HORMAD2: variants seen among roughly 807,000 people sequenced by gnomAD.
The protein encoded by HORMAD2 is HORMA domain containing 2.
Under a neutral mutation model 38.8 loss-of-function variants are expected in HORMAD2, and 45 were observed. The observed-to-expected ratio is 1.16, with a 90% CI of 0.91 to 1.49. HORMAD2 has a LOEUF of 1.49. Ranked by LOEUF, HORMAD2 falls within the 40% of genes most tolerant of loss-of-function variation. HORMAD2 has a pLI of 0.00. For missense variants in HORMAD2, 338 were observed against 367.0 expected, an observed-to-expected ratio of 0.92 and a Z score of 0.65; for synonymous variants, 126 against 122.8, an observed-to-expected ratio of 1.03 and a Z score of -0.17.
intron 10 of HORMAD2, among the ~76,000 whole-genome samples, chr22:30,148,501 A>C (rs1009604238): frequency 3.9e-5 from 6 of 152,184 alleles, no homozygotes; most frequent in African/African-American, 4.8e-5. Flanking sequence ...GAAAACATCC[A>C]AAAATAGGTG....
intron 10 of HORMAD2, among the ~76,000 whole-genome samples, chr22:30,164,584 A>G (rs1436253173): frequency 6.6e-6 from 1 of 152,150 alleles, no homozygotes; most frequent in East Asian, 1.9e-4. Context: ...CTTATTGGCT[A>G]ATTGCATATC....
chr22:30,175,142 A>C (rs1014266117), intron 10 of HORMAD2, among the ~76,000 whole-genome samples: 1 of 148,422 alleles, frequency 6.7e-6, no homozygotes, highest in African/African-American at 2.5e-5. Flanking sequence ...TGCCTCTCCT[A>C]CGAAGGACAA....
At chr22:30,165,746 T>A (rs1171006245) in intron 10 of HORMAD2, among the ~76,000 whole-genome samples, 1 of 152,118 alleles carries the variant, frequency 6.6e-6, no homozygotes, top group African/African-American at 2.4e-5. Context: ...ACCTGAATAG[T>A]CTGCCAATTC....
At chr22:30,112,281 T>C (rs973895173) in intron 6 of HORMAD2, among the ~76,000 whole-genome samples, 1 of 152,146 alleles carries the variant, frequency 6.6e-6, no homozygotes, top group Non-Finnish European at 1.5e-5. Flanking sequence ...ATGGTAATTA[T>C]GAATCCTTCA....
At chr22:30,163,012 A>T (rs748443802) in intron 10 of HORMAD2, among the ~76,000 whole-genome samples, 1 of 152,080 alleles carries the variant, frequency 6.6e-6, no homozygotes, top group Non-Finnish European at 1.5e-5. Flanking sequence ...ATTTGTGGAC[A>T]TCTTAAAATC....
At chr22:30,126,126 G>A (rs529938760) in intron 10 of HORMAD2, among the ~76,000 whole-genome samples, 1 of 152,006 alleles carries the variant, frequency 6.6e-6, no homozygotes, top group South Asian at 2.1e-4. Flanking sequence ...GCATAGATTA[G>A]TTTCTCCTCT....
At chr22:30,097,335 T>C (rs1302535386) in intron 2 of HORMAD2, among the ~76,000 whole-genome samples, 1 of 152,214 alleles carries the variant, frequency 6.6e-6, no homozygotes, top group African/African-American at 2.4e-5. Context: ...TATCAGTCGC[T>C]CTCTTATCAC....
rs1334193788 is a variant in HORMAD2 at position 30,176,733 on chromosome 22, C to G, written c.*566C>G. The G allele has an allele frequency of 6.5e-6, 1 of 152,888 alleles. No homozygotes were observed. The highest frequency in any genetic ancestry group is 2.4e-5 in the African/African-American group (1 of 41,450). 9.5% of individuals were successfully genotyped at this position (152,888 alleles called of 1,614,324 possible). A position where few individuals can be genotyped will look rare whatever the true frequency, so the allele number is the denominator to read the frequency against. The stretch of plus-strand genomic sequence containing the variant: ...CTCAACTCTGGCCCCAGGCCCTGTT[C>G]TGTTATCCAATCCGAAACACGGAAC... On this transcript the variant is annotated 3_prime_UTR_variant, in exon 11 of 11. Transcript: ENST00000336726.
intron 7 of HORMAD2, among the ~76,000 whole-genome samples, chr22:30,113,503 G>A (rs1921816945): frequency 6.6e-6 from 1 of 152,100 alleles, no homozygotes; most frequent in African/African-American, 2.4e-5. Context: ...CTCCCAAAGT[G>A]CTGGGATTAC....
downstream of HORMAD2, among the ~76,000 whole-genome samples, chr22:30,177,563 T>C (rs1548389): frequency 0.3 from 45,288 of 152,070 alleles, 7,794 homozygotes; most frequent in East Asian, 0.58. Flanking sequence ...ATATCCTTGA[T>C]AGAATTGTAG....
chr22:30,159,319 T>G (rs774026206), intron 10 of HORMAD2, among the ~76,000 whole-genome samples: 5 of 152,194 alleles, frequency 3.3e-5, no homozygotes, highest in Non-Finnish European at 7.3e-5. Flanking sequence ...AATTTGAAAC[T>G]GAGAAGCCCT....
intron 1 of HORMAD2, among the ~76,000 whole-genome samples, chr22:30,088,174 CATATAT>C: frequency 6.8e-6 from 1 of 146,342 alleles, no homozygotes; most frequent in African/African-American, 2.5e-5. Context: ...CCTATGTATA[CATATAT>C]ACATATATAC....
chr22:30,171,072 T>C (rs1343705703), intron 10 of HORMAD2, among the ~76,000 whole-genome samples: 1 of 152,172 alleles, frequency 6.6e-6, no homozygotes, highest in Non-Finnish European at 1.5e-5. Flanking sequence ...TCTCTCTCTT[T>C]CTCAGTCTAC....
chr22:30,141,795 C>A (rs143345769), intron 10 of HORMAD2, among the ~76,000 whole-genome samples: 11,844 of 152,128 alleles, frequency 0.078, 538 homozygotes, highest in African/African-American at 0.092. Flanking sequence ...TGGGGTTTAA[C>A]CATATTGGCC....
chr22:30,207,101 C>T, the HORMAD2 span: 1 of 470,518 alleles, frequency 2.1e-6, no homozygotes. Context: ...GGCTGTGGTA[C>T]CAGGAGCTGT....
intron 10 of HORMAD2, among the ~76,000 whole-genome samples, chr22:30,132,388 C>T (rs868448574): frequency 6.6e-6 from 1 of 152,204 alleles, no homozygotes; most frequent in Non-Finnish European, 1.5e-5. Context: ...ACAAGACCAG[C>T]CTGGCCAACA....
chr22:30,112,286 C>G (rs9625921), intron 6 of HORMAD2, among the ~76,000 whole-genome samples: 67,888 of 151,774 alleles, frequency 0.45, 16,128 homozygotes, highest in African/African-American at 0.6. Flanking sequence ...AATTATGAAT[C>G]CTTCATTATT....
chr22:30,181,134 C>T (rs1466615736), downstream of HORMAD2, among the ~76,000 whole-genome samples: 1 of 151,742 alleles, frequency 6.6e-6, no homozygotes, highest in East Asian at 1.9e-4. Context: ...CCTCAGCCTC[C>T]TCCTAAGTAG....
intron 2 of HORMAD2, among the ~76,000 whole-genome samples, chr22:30,097,641 A>G (rs2068806676): frequency 6.6e-6 from 1 of 152,128 alleles, no homozygotes. Context: ...AGAATAAGGG[A>G]GTGTGGGCAG....
Sources: allele counts gnomAD v4.1 joint callset (sites outside exome capture counted in the v4.1 genomes callset), GRCh38; gene constraint gnomAD v4.1.1; transcripts MANE v1.5; gene names NCBI Gene and HGNC (gene_info 2026-07-23, HGNC 2026-07-21).